FER: variants seen among roughly 807,000 people sequenced by gnomAD.
The protein encoded by FER is tyrosine-protein kinase Fer.
FER carries 63 observed loss-of-function variants against 111.0 expected under a neutral mutation model. The observed-to-expected ratio is 0.57, with a 90% confidence interval of 0.46 to 0.70. FER has a LOEUF of 0.70. Ranked by LOEUF, FER falls within the 30% of genes least tolerant of loss-of-function variation. FER has a pLI of 0.00. For synonymous variants in FER, 327 were observed against 313.9 expected (o/e 1.04, Z -0.44); for missense variants, 914 against 954.0 (o/e 0.96, Z 0.55).
chr5:108,833,614 C>T (rs1760283264), intron 4 of FER, among the ~76,000 whole-genome samples: 1 of 152,110 alleles, frequency 6.6e-6, no homozygotes, highest in African/African-American at 2.4e-5. Context: ...GTACCTCACA[C>T]CTGTAATCCC....
At chr5:108,923,963 G>A (rs1753382474) in intron 10 of FER, among the ~76,000 whole-genome samples, 1 of 152,126 alleles carries the variant, frequency 6.6e-6, no homozygotes, top group South Asian at 2.1e-4. Flanking sequence ...GTGCTTGAAA[G>A]TGAGGTATAT....
At chr5:108,849,806 T>C (rs1302439059) in intron 5 of FER, among the ~76,000 whole-genome samples, 1 of 152,178 alleles carries the variant, frequency 6.6e-6, no homozygotes, top group Non-Finnish European at 1.5e-5. Context: ...ATAAGACTTC[T>C]AGTCCAAGGA....
At chr5:109,018,342 C>T (rs979701605) in intron 13 of FER, among the ~76,000 whole-genome samples, 4 of 151,818 alleles carry the variant, frequency 2.6e-5, no homozygotes, top group African/African-American at 9.7e-5. Context: ...AGATTTGCGA[C>T]TGATAACTGA....
At chr5:108,789,616 T>TC (rs200793023) in intron 2 of FER, among the ~76,000 whole-genome samples, 96 of 145,554 alleles carry the variant, frequency 6.6e-4, no homozygotes, top group Non-Finnish European at 1.0e-3. Flanking sequence ...TTCTTCTTCT[T>TC]TTTTTTTTTT....
chr5:109,180,687 A>G, intron 17 of FER, 60 bp from the exon 18 acceptor site: 1 of 1,527,304 alleles, frequency 6.5e-7, no homozygotes, highest in African/African-American at 1.4e-5. Context: ...GAAATCATAA[A>G]TGTGAAAGTG....
At chr5:109,060,759 GGT>G (rs577713883) in intron 16 of FER, among the ~76,000 whole-genome samples, 39 of 134,742 alleles carry the variant, frequency 2.9e-4, no homozygotes, top group African/African-American at 9.0e-4. Flanking sequence ...GCGTATGTGT[GGT>G]GTGTGTGTGT....
chr5:108,941,625 C>A (rs1756284088), intron 10 of FER, among the ~76,000 whole-genome samples: 2 of 152,040 alleles, frequency 1.3e-5, no homozygotes, highest in African/African-American at 4.8e-5. Context: ...AGTTAAGATA[C>A]CTTGATAATC....
In FER at chr5:109,070,662, A is replaced by T. The variant is rs532706276; in HGVS notation, c.1924+23464A>T. On this transcript the variant is annotated intron_variant, in intron 16 of 19. Coordinates refer to ENST00000281092, the MANE Select transcript of FER (RefSeq NM_005246.4). ...TTAACTCTTGGCTCTAGTCAGTATG[A>T]TTTAGACTCAATACTTGGGAAAAGA... Among the ~76,000 whole-genome samples the T allele has an allele frequency of 2.2e-4, 34 of 152,152 alleles. No homozygotes were observed. The South Asian group carries it at 6.4e-3, about 29-fold the overall frequency.
At chr5:108,905,746 A>T (rs1750669239) in intron 10 of FER, among the ~76,000 whole-genome samples, 2 of 152,206 alleles carry the variant, frequency 1.3e-5, no homozygotes, top group South Asian at 4.1e-4. Context: ...TGTGTTTAGC[A>T]GTACCTATAT....
At chr5:109,016,505 GACAACAGGAA>G (rs1321277476) in intron 13 of FER, among the ~76,000 whole-genome samples, 9 of 151,976 alleles carry the variant, frequency 5.9e-5, no homozygotes, top group Admixed American at 3.3e-4. Context: ...TTTAACCAAG[GACAACAGGAA>G]ACAATACACA....
intron 16 of FER, among the ~76,000 whole-genome samples, chr5:109,054,734 A>G (rs1391305382): frequency 1.3e-5 from 2 of 152,196 alleles, no homozygotes; most frequent in Non-Finnish European, 2.9e-5. Flanking sequence ...ATTTGAGTGT[A>G]GGACCCATTT....
Position 108,879,699 on chromosome 5 carries a change from A to ATATATAT in FER, c.924-3697_924-3696insTATATAT, listed in dbSNP as rs1165401708. ...ATATGTATTTTTTTTAGATTAAAAAAAAATATATATATATATATATATATA... is the reference window on the plus strand; with the variant it reads ...ATATGTATTTTTTTTAGATTAAAAAATATATATAAATATATATATATATATATATATA... On this transcript the variant is annotated intron_variant, in intron 8 of 19. Coordinates refer to ENST00000281092, the MANE Select transcript of FER (RefSeq NM_005246.4). 3.8e-3 allele frequency among the ~76,000 whole-genome samples: 359 copies of ATATATAT among 93,452 alleles called. 5 individuals are homozygous for ATATATAT. The highest frequency in any genetic ancestry group is 0.016 in the African/African-American group (278 of 16,902). 61.3% of individuals were successfully genotyped at this position (93,452 alleles called of 152,430 possible). A position where few individuals can be genotyped will look rare whatever the true frequency, so the allele number is the denominator to read the frequency against.
chr5:109,187,449 T>C lies in FER; in HGVS notation c.2343T>C (p.Ala781=). ...EQVERGYRMS[A]PQHCPEDISK... The stretch of plus-strand genomic sequence containing the variant: ...GGTCTTCAGGATACCGGATGTCAGC[T>C]CCCCAGCACTGTCCAGAGGATATTT... Residue 781 remains alanine (A), a synonymous_variant, in exon 20 of 20, where the codon GCT becomes GCC. Coordinates refer to ENST00000281092, the MANE Select transcript of FER (RefSeq NM_005246.4). The C allele has an allele frequency of 6.2e-7, 1 of 1,609,994 alleles. No homozygotes were observed. The highest frequency in any genetic ancestry group is 8.5e-7 in the Non-Finnish European group (1 of 1,178,368).
chr5:108,785,626 T>G, intron 2 of FER: 1 of 378,686 alleles, frequency 2.6e-6, no homozygotes, highest in Non-Finnish European at 5.1e-6. Flanking sequence ...TCTCAGGCCT[T>G]ATGGTGAAGG....
chr5:109,173,855 C>T (rs115573808), intron 17 of FER, among the ~76,000 whole-genome samples: 2,074 of 151,588 alleles, frequency 0.014, 39 homozygotes, highest in African/African-American at 0.047. Flanking sequence ...AGGAGAGATC[C>T]TTCAAGAATA....
chr5:108,875,377 A>G (rs1009506903), intron 8 of FER, among the ~76,000 whole-genome samples: 2 of 151,908 alleles, frequency 1.3e-5, no homozygotes, highest in Admixed American at 1.3e-4. Flanking sequence ...CTCCTTCCCT[A>G]CCAACACCTA....
At chr5:108,977,673 G>A (rs72789338) in intron 13 of FER, among the ~76,000 whole-genome samples, 27,450 of 152,114 alleles carry the variant, frequency 0.18, 2,696 homozygotes, top group Non-Finnish European at 0.22. Flanking sequence ...TATTTGGAAT[G>A]TTTATATACT....
At chr5:109,097,954 A>G (rs1231486008) in intron 16 of FER, among the ~76,000 whole-genome samples, 1 of 151,860 alleles carries the variant, frequency 6.6e-6, no homozygotes, top group Admixed American at 6.6e-5. Flanking sequence ...TAGTATTTGT[A>G]TATCTGTGGC....
At chr5:109,136,548 A>T (rs1306513781) in intron 17 of FER, among the ~76,000 whole-genome samples, 1 of 152,156 alleles carries the variant, frequency 6.6e-6, no homozygotes, top group Non-Finnish European at 1.5e-5. Context: ...GAGAATAATG[A>T]TAGGAACTAC....
Sources: allele counts gnomAD v4.1 joint callset (sites outside exome capture counted in the v4.1 genomes callset), GRCh38; gene constraint gnomAD v4.1.1; transcripts MANE v1.5; gene names NCBI Gene and HGNC (gene_info 2026-07-23, HGNC 2026-07-21).